Variants in TEKT1 observed in about 807,000 individuals in gnomAD.
TEKT1 encodes tektin-1.
A neutral mutation model predicts 34.8 loss-of-function variants in TEKT1; 32 were observed. That is an observed-to-expected ratio of 0.92 (90% CI 0.69 to 1.23). The LOEUF (loss-of-function observed/expected upper bound fraction) is 1.23, where lower values mean the gene tolerates loss of function less well. Among genes scored for constraint, TEKT1 ranks in the 50% most tolerant of loss-of-function variants. The pLI, the probability that TEKT1 is intolerant of heterozygous loss-of-function variation, is 0.00. For missense variants in TEKT1, 492 were observed against 518.5 expected (o/e 0.95, Z 0.50); for synonymous variants, 207 against 199.8 (o/e 1.04, Z -0.30).
rs149531244 is a variant in TEKT1 at position 6,815,214 on chromosome 17, T to C, written c.578A>G (p.Asn193Ser). ...AGAATATCTGATGTTTGGTGAGTTG[T>C]TGTTGAGCGAGAAGCAGATATCATC... is the stretch of plus-strand genomic sequence containing the variant. ...TIDDICFSLNNNSPNIRYSEN... is the reference protein window; with the variant it reads ...TIDDICFSLNSNSPNIRYSEN... The change falls in exon 5 of 8, where the codon AAC becomes AGC. Residue 193 changes from asparagine (N) to serine (S), a missense_variant. Physicochemically the swap from Asn to Ser is conservative, Grantham distance 46. Coordinates refer to ENST00000338694, the MANE Select transcript of TEKT1 (RefSeq NM_053285.2). 5.8e-5 allele frequency: 93 copies of C among 1,614,042 alleles called. No homozygotes were observed. Among genetic ancestry groups the C allele is most frequent in the Non-Finnish European group, 7.1e-5 (84 of 1,180,022 alleles).
intron 6 of TEKT1, among the ~76,000 whole-genome samples, chr17:6,805,701 T>A (rs1339262328): frequency 2.6e-5 from 4 of 152,270 alleles, no homozygotes; most frequent in Non-Finnish European, 5.9e-5. Flanking sequence ...AACATCTTTA[T>A]TTCTGTCTTC....
chr17:6,828,223 C>T (rs1293352218), intron 2 of TEKT1, among the ~76,000 whole-genome samples: 2 of 152,164 alleles, frequency 1.3e-5, no homozygotes, highest in African/African-American at 4.8e-5. Context: ...GAATCACAGG[C>T]GTGAGCCACC....
chr17:6,803,052 T>C lies in TEKT1; in HGVS notation c.853-2109A>G, dbSNP rs573340595. Among the ~76,000 whole-genome samples the C allele has an allele frequency of 1.7e-4, 26 of 152,198 alleles. No individual in the cohort carries two copies. The South Asian group carries it at 5.4e-3, about 32-fold the overall frequency. On this transcript the variant is annotated intron_variant, in intron 6 of 7. Transcript: ENST00000338694. ...TCGCCACACTGACTTCCACAATGGT[T>C]GAACTAGTTTACAGTCCCACCAACA...
In TEKT1 at chr17:6,799,646, G is replaced by T. The variant is rs1976738471; in HGVS notation, c.*381C>A. The stretch of plus-strand genomic sequence containing the variant: ...AAAACACATTATTTTCTAGAGAAAA[G>T]AAATTTTGAGAGCCAAGAGAAAGGT... On this transcript the variant is annotated 3_prime_UTR_variant, in exon 8 of 8. Transcript: ENST00000338694. 6.2e-6 allele frequency: 1 copy of T among 162,320 alleles called. No individual in the cohort carries two copies. The highest frequency in any genetic ancestry group is 6.4e-5 in the Admixed American group (1 of 15,646). 10.1% of individuals were successfully genotyped at this position (162,320 alleles called of 1,614,324 possible). A position where few individuals can be genotyped will look rare whatever the true frequency, so the allele number is the denominator to read the frequency against.
At position 6,830,175 on chromosome 17, in the gene TEKT1, A is replaced by G. The variant is rs78767947; in HGVS notation, c.190+12T>C. The G allele has an allele frequency of 7.7e-3, 12,301 of 1,604,512 alleles. 633 individuals are homozygous for G. The African/African-American group carries it at 0.13, about 17-fold the overall frequency. ...TAGCATGTTCACGAATATGCCAAGC[A>G]TGTTGTCTTACCTAGTTTCTTGTTC... On this transcript the variant is annotated intron_variant, in intron 2 of 7. Coordinates refer to ENST00000338694, the MANE Select transcript of TEKT1 (RefSeq NM_053285.2).
intron 2 of TEKT1, among the ~76,000 whole-genome samples, chr17:6,827,211 C>T (rs940614550): frequency 1.2e-4 from 18 of 151,452 alleles, no homozygotes; most frequent in Middle Eastern, 3.2e-3. Flanking sequence ...TCAGTACCTA[C>T]GGTAGAAGTC....
intron 6 of TEKT1, among the ~76,000 whole-genome samples, chr17:6,805,691 A>C (rs2151582637): frequency 6.6e-6 from 1 of 152,336 alleles, no homozygotes; most frequent in East Asian, 1.9e-4. Flanking sequence ...GGTTTCAAAG[A>C]ACATCTTTAT....
intron 3 of TEKT1, among the ~76,000 whole-genome samples, chr17:6,818,846 C>T (rs1027628098): frequency 2.0e-5 from 3 of 152,134 alleles, no homozygotes; most frequent in Admixed American, 2.0e-4. Flanking sequence ...AAACTGTGGC[C>T]CACCATTCCA....
chr17:6,830,271 G>A lies in TEKT1; in HGVS notation c.106C>T (p.Arg36Cys), dbSNP rs758439411. Residue 36 changes from arginine to cysteine, a missense_variant, in exon 2 of 8, where the codon CGC becomes TGC. Coordinates refer to ENST00000338694, the MANE Select transcript of TEKT1 (RefSeq NM_053285.2). The part of the protein sequence containing the change: ...RADAQRSRSE[R>C]LVAESQRLVD... ...AGCCTCTGGCTTTCTGCGACCAGGC[G>A]TTCTGATCGGGACCTTTGAGCGTCT... 4.8e-5 allele frequency: 78 copies of A among 1,613,242 alleles called. No homozygotes were observed. The highest frequency in any genetic ancestry group is 6.0e-5 in the Non-Finnish European group (71 of 1,179,924).
rs558557030 is a variant in TEKT1 at position 6,801,609 on chromosome 17, G to A, written c.853-666C>T. The stretch of plus-strand genomic sequence containing the variant: ...TGTAATCCCAGATACTCAGGAGGCT[G>A]AGGCAGGAGAATTGCTTGAACCCAG... On this transcript the variant is annotated intron_variant, in intron 6 of 7. Transcript: ENST00000338694. Among the ~76,000 whole-genome samples, 5 of 152,226 alleles carry A rather than the reference G, an allele frequency of 3.3e-5. No homozygotes were observed. The East Asian group carries it at 7.7e-4, about 24-fold the overall frequency.
At chr17:6,808,345 AT>A (rs1976878382) in intron 6 of TEKT1, among the ~76,000 whole-genome samples, 1 of 152,064 alleles carries the variant, frequency 6.6e-6, no homozygotes, top group Non-Finnish European at 1.5e-5. Flanking sequence ...AAGTGACCTG[AT>A]TTTCCAGGTG....
At position 6,830,791 on chromosome 17, in the gene TEKT1, C is replaced by T. The variant is rs376087123; in HGVS notation, c.-17-398G>A. On this transcript the variant is annotated intron_variant, in intron 1 of 7. Transcript: ENST00000338694. ...TTCGTTCTCGTTGCTGTGTAGGTGCCGTTATATGAATAAAATCTAGCTGTC... is the reference window on the plus strand; with the variant it reads ...TTCGTTCTCGTTGCTGTGTAGGTGCTGTTATATGAATAAAATCTAGCTGTC... Among the ~76,000 whole-genome samples, 30 of 151,920 alleles carry T rather than the reference C, an allele frequency of 2.0e-4. No individual in the cohort carries two copies. In the East Asian group the frequency reaches 4.8e-3, roughly 24 times the overall value.
At chr17:6,831,022 G>C (rs972269116) in intron 1 of TEKT1, among the ~76,000 whole-genome samples, 1 of 115,054 alleles carries the variant, frequency 8.7e-6, no homozygotes, top group Non-Finnish European at 1.7e-5. Context: ...AGAAGAGGAA[G>C]AAGAAGGAGG....
At chr17:6,806,856 TC>T (rs1192257424) in intron 6 of TEKT1, among the ~76,000 whole-genome samples, 1 of 152,208 alleles carries the variant, frequency 6.6e-6, no homozygotes, top group Non-Finnish European at 1.5e-5. Flanking sequence ...CTGATGGGCT[TC>T]CCTTTGTGGG....
chr17:6,822,152 T>C (rs1977100521), intron 2 of TEKT1, among the ~76,000 whole-genome samples: 1 of 152,186 alleles, frequency 6.6e-6, no homozygotes, highest in South Asian at 2.1e-4. Flanking sequence ...CTTCTTCTTT[T>C]TAGAGACAGG....
chr17:6,828,236 G>A (rs1904467165), intron 2 of TEKT1, among the ~76,000 whole-genome samples: 1 of 152,168 alleles, frequency 6.6e-6, no homozygotes. Flanking sequence ...GAGCCACCAT[G>A]CCCGGGCGCC....
chr17:6,815,084 C>CAAGG (rs1367496611), intron 5 of TEKT1, 79 bp downstream of exon 5: 3 of 1,525,248 alleles, frequency 2.0e-6, no homozygotes, highest in African/African-American at 1.4e-5. Flanking sequence ...CAGCCAGCTG[C>CAAGG]AAGGACGAGC....
At position 6,812,472 on chromosome 17, in the gene TEKT1, G is replaced by C. The variant is rs147845297; in HGVS notation, c.852+359C>G. On this transcript the variant is annotated intron_variant, in intron 6 of 7. Transcript: ENST00000338694. ...CCTAAAGGGCACGTGAGAGCATGTA[G>C]TCCATTTCCGTACTTCACATACGGA... Among the ~76,000 whole-genome samples the C allele has an allele frequency of 8.5e-5, 13 of 152,310 alleles. No homozygotes were observed. The East Asian group carries it at 2.5e-3, about 29-fold the overall frequency.
At chr17:6,830,163 A>T in intron 2 of TEKT1, 24 bp downstream of exon 2, 1 of 1,599,362 alleles carries the variant, frequency 6.3e-7, no homozygotes, top group Non-Finnish European at 8.5e-7. Flanking sequence ...CATGTTCACG[A>T]ATATGCCAAG....
Sources: allele counts gnomAD v4.1 joint callset (sites outside exome capture counted in the v4.1 genomes callset), GRCh38; gene constraint gnomAD v4.1.1; transcripts MANE v1.5; gene names NCBI Gene and HGNC (gene_info 2026-07-23, HGNC 2026-07-21).